RNF11: variants seen among roughly 807,000 people sequenced by gnomAD.
RNF11 encodes ring finger protein 11.
In RNF11, 4 loss-of-function variants were observed where a neutral mutation model predicts 15.8. The observed-to-expected ratio is 0.25, with a 90% CI of 0.12 to 0.58. RNF11 has a LOEUF of 0.58. Ranked by LOEUF, RNF11 falls within the 20% of genes least tolerant of loss-of-function variation. The pLI is 0.91. For synonymous variants in RNF11, 68 were observed against 72.3 expected (o/e 0.94, Z 0.30); for missense variants, 139 against 194.4 (o/e 0.71, Z 1.70).
rs1009590238 is a variant in RNF11 at position 51,272,431 on chromosome 1, C to T, written c.*1109C>T. ...CTATTACATCCTGCTAGCTGACTGACAAAACTAAGCAGGGAGAATAAAGAT... is the reference window on the plus strand; with the variant it reads ...CTATTACATCCTGCTAGCTGACTGATAAAACTAAGCAGGGAGAATAAAGAT... On this transcript the variant is annotated 3_prime_UTR_variant, in exon 3 of 3. Transcript: ENST00000242719. The T allele has an allele frequency of 2.0e-5, 3 of 152,558 alleles. No individual in the cohort carries two copies. Among genetic ancestry groups the T allele is most frequent in the African/African-American group, 7.2e-5 (3 of 41,440 alleles). The allele number at this position is 152,558 out of a possible 1,614,324, so 9.5% of individuals were successfully genotyped here.
chr1:51,247,272 C>G (rs1223308286), intron 1 of RNF11, among the ~76,000 whole-genome samples: 2 of 151,668 alleles, frequency 1.3e-5, no homozygotes, highest in Non-Finnish European at 2.9e-5. Context: ...TGGCTATTCA[C>G]AGGTATGATC....
At chr1:51,249,482 T>A (rs1646867344) in intron 1 of RNF11, among the ~76,000 whole-genome samples, 1 of 152,174 alleles carries the variant, frequency 6.6e-6, no homozygotes. Context: ...AAAGGCTCCC[T>A]CCTGCCCCCT....
In RNF11 at chr1:51,253,216, G is replaced by T. The variant is rs759248114; in HGVS notation, c.123+16337G>T. On this transcript the variant is annotated intron_variant, in intron 1 of 2. Transcript: ENST00000242719. ...TTACTAATAAAAAAGAATGGTAATTGTTCTCTGCATAATATTTAGAAAATA... is the reference window on the plus strand; with the variant it reads ...TTACTAATAAAAAAGAATGGTAATTTTTCTCTGCATAATATTTAGAAAATA... Among the ~76,000 whole-genome samples, 97 of 152,090 alleles carry T rather than the reference G, an allele frequency of 6.4e-4. 1 individual carries two copies. Among genetic ancestry groups the T allele is most frequent in the Admixed American group, 1.3e-3 (20 of 15,252 alleles).
rs1347380741 is a variant in RNF11 at position 51,236,388 on chromosome 1, A to C, written c.-369A>C. ...GCAGCAGCAGCTGAGGCAGCAGCTG[A>C]GGCAGCCGCGACGGCCGCGCCCCCC... On this transcript the variant is annotated 5_prime_UTR_variant, in exon 1 of 3. Coordinates refer to ENST00000242719, the MANE Select transcript of RNF11 (RefSeq NM_014372.5). The C allele has an allele frequency of 6.3e-6, 1 of 159,296 alleles. No homozygotes were observed. Among genetic ancestry groups the C allele is most frequent in the East Asian group, 1.9e-4 (1 of 5,300 alleles). The allele number at this position is 159,296 out of a possible 1,614,324, so 9.9% of individuals were successfully genotyped here.
At position 51,236,668 on chromosome 1, in the gene RNF11, A is replaced by C. The variant is rs936978341; in HGVS notation, c.-89A>C. On this transcript the variant is annotated 5_prime_UTR_variant, in exon 1 of 3. Transcript: ENST00000242719. The stretch of plus-strand genomic sequence containing the variant: ...GATCCCCGGCCTGTCGCCCGACCCC[A>C]CCTCGCCAACCGAGGCGGACCGCGG... The C allele has an allele frequency of 1.2e-5, 18 of 1,559,236 alleles. No individual in the cohort carries two copies. In the African/African-American group the frequency reaches 2.5e-4, roughly 21 times the overall value.
intron 1 of RNF11, among the ~76,000 whole-genome samples, chr1:51,241,085 G>A (rs1410372877): frequency 6.6e-6 from 1 of 152,108 alleles, no homozygotes; most frequent in African/African-American, 2.4e-5. Flanking sequence ...CCAGAGTGCT[G>A]GGATTACAGG....
chr1:51,252,805 T>TTGTGTGTGTGTGTGTGTGTGTGTGTG (rs145075866), intron 1 of RNF11, among the ~76,000 whole-genome samples: 8 of 143,942 alleles, frequency 5.6e-5, no homozygotes, highest in African/African-American at 2.1e-4. Context: ...TTTGTCCAGT[T>TTGTGTGTGTGTGTGTGTGTGTGTGTG]TGTGTGTGTG....
Position 51,273,345 on chromosome 1 carries a change from A to G in RNF11, c.*2023A>G, listed in dbSNP as rs897716113. 24 of 152,202 alleles carry G rather than the reference A, an allele frequency of 1.6e-4. No individual in the cohort carries two copies. The highest frequency in any genetic ancestry group is 5.3e-4 in the African/African-American group (22 of 41,460). 9.4% of individuals were successfully genotyped at this position (152,202 alleles called of 1,614,324 possible). On this transcript the variant is annotated 3_prime_UTR_variant, in exon 3 of 3. Coordinates refer to ENST00000242719, the MANE Select transcript of RNF11 (RefSeq NM_014372.5). ...ATTGAAAGAACTAGCATTGGGCAGA[A>G]TGTGTCTTTTTTAGGCACTTTATAT... is the stretch of plus-strand genomic sequence containing the variant.
chr1:51,264,287 A>AAAAAAATAT (rs1557682286), intron 1 of RNF11, among the ~76,000 whole-genome samples: 1 of 32,532 alleles, frequency 3.1e-5, no homozygotes. Context: ...AAAAAAAAAA[A>AAAAAAATAT]ATATATATAT....
rs1368866140 is a variant in RNF11, at chr1:51,251,368, G to C, written c.123+14489G>C. 6.0e-6 allele frequency: 9 copies of C among 1,490,316 alleles called. No individual in the cohort carries two copies. In the East Asian group the frequency reaches 2.1e-4, roughly 35 times the overall value. 92.3% of individuals were successfully genotyped at this position (1,490,316 alleles called of 1,614,324 possible). On this transcript the variant is annotated intron_variant, in intron 1 of 2. Transcript: ENST00000242719. ...CGGCCCCGGCCCCGTCTACGGCTGC[G>C]ACCCCGGCCCCGGATGCCACTGCCG...
intron 1 of RNF11, chr1:51,251,388 C>T (rs1646877477): frequency 7.1e-7 from 1 of 1,415,486 alleles, no homozygotes; most frequent in Non-Finnish European, 9.7e-7. Context: ...CCGGATGCCA[C>T]TGCCGAAACC....
intron 1 of RNF11, among the ~76,000 whole-genome samples, chr1:51,243,196 G>C (rs1046378347): frequency 6.6e-6 from 1 of 152,182 alleles, no homozygotes; most frequent in Non-Finnish European, 1.5e-5. Context: ...CATTAAACTT[G>C]TAAGATATCT....
intron 1 of RNF11, among the ~76,000 whole-genome samples, chr1:51,253,891 T>C (rs1211915424): frequency 2.6e-5 from 4 of 152,042 alleles, no homozygotes; most frequent in Admixed American, 2.0e-4. Context: ...CCTAGCACTT[T>C]GGGATGTGGA....
chr1:51,248,457 C>T, intron 1 of RNF11, among the ~76,000 whole-genome samples: 1 of 152,138 alleles, frequency 6.6e-6, no homozygotes, highest in Non-Finnish European at 1.5e-5. Context: ...TCGCCTCGGC[C>T]TCACAAAGTG....
At chr1:51,251,055 T>C (rs1646875152) in intron 1 of RNF11, 17 of 1,540,354 alleles carry the variant, frequency 1.1e-5, no homozygotes, top group Non-Finnish European at 1.4e-5. Context: ...CTTGGAGCAC[T>C]TAACACCCAG....
chr1:51,271,474 G>A lies in RNF11; in HGVS notation c.*152G>A, dbSNP rs1402932818. On this transcript the variant is annotated 3_prime_UTR_variant, in exon 3 of 3. Coordinates refer to ENST00000242719, the MANE Select transcript of RNF11 (RefSeq NM_014372.5). ...ATGGCTGCAGATGTTGGGGGAAAAA[G>A]TACGTGATATTTTAGAAACTTAGTG... is the stretch of plus-strand genomic sequence containing the variant. 2 of 578,664 alleles carry A rather than the reference G, an allele frequency of 3.5e-6. No homozygotes were observed. The highest frequency in any genetic ancestry group is 3.0e-6 in the Non-Finnish European group (1 of 337,168). 35.8% of individuals were successfully genotyped at this position (578,664 alleles called of 1,614,324 possible).
rs1375784528 is a variant in RNF11 at position 51,273,324 on chromosome 1, A to G, written c.*2002A>G. The G allele has an allele frequency of 6.6e-6, 1 of 152,164 alleles. No homozygotes were observed. The highest frequency in any genetic ancestry group is 2.4e-5 in the African/African-American group (1 of 41,448). 9.4% of individuals were successfully genotyped at this position (152,164 alleles called of 1,614,324 possible). Reference sequence around the variant, plus strand: ...TCACAGAAGTTTGGTGGTAATATTGAAAGAACTAGCATTGGGCAGAATGTG... The same window carrying G: ...TCACAGAAGTTTGGTGGTAATATTGGAAGAACTAGCATTGGGCAGAATGTG... On this transcript the variant is annotated 3_prime_UTR_variant, in exon 3 of 3. Transcript: ENST00000242719.
intron 1 of RNF11, among the ~76,000 whole-genome samples, chr1:51,246,020 C>T (rs1015267536): frequency 3.9e-5 from 6 of 152,112 alleles, no homozygotes; most frequent in Non-Finnish European, 8.8e-5. Flanking sequence ...AATCTCAGTA[C>T]TTTGGGAGGC....
intron 1 of RNF11, among the ~76,000 whole-genome samples, chr1:51,253,143 G>A (rs1319955089): frequency 6.6e-6 from 1 of 151,958 alleles, no homozygotes; most frequent in Non-Finnish European, 1.5e-5. Flanking sequence ...TTTTTAATTG[G>A]GTTGTCTGTC....
Sources: gnomAD v4.1 joint callset for allele counts (sites outside exome capture counted in the v4.1 genomes callset) on GRCh38, gnomAD v4.1.1 for gene constraint, MANE v1.5 for transcripts, NCBI Gene and HGNC (gene_info 2026-07-23, HGNC 2026-07-21) for gene names.